AKAP13: variants seen among roughly 807,000 people sequenced by gnomAD.
AKAP13 encodes the protein A-kinase anchoring protein 13, also known as A-kinase anchor protein 13.
A neutral mutation model predicts 264.5 loss-of-function variants in AKAP13; 80 were observed. The observed-to-expected ratio is 0.30, with a 90% CI of 0.25 to 0.36. The LOEUF is 0.36. Ranked by LOEUF, AKAP13 falls within the 10% of genes least tolerant of loss-of-function variation. The pLI, the probability that AKAP13 is intolerant of heterozygous loss-of-function variation, is 1.00. For missense variants in AKAP13, 3,712 were observed against 3,435.2 expected, an observed-to-expected ratio of 1.08 and a Z score of -2.01; for synonymous variants, 1,380 against 1,250.2, an observed-to-expected ratio of 1.10 and a Z score of -2.19.
In AKAP13 at chr15:85,727,682, G is replaced by A. The variant is rs891653149; in HGVS notation, c.7087+219G>A. On this transcript the variant is annotated intron_variant, in intron 29 of 36. Coordinates refer to ENST00000394518, the MANE Select transcript of AKAP13 (RefSeq NM_007200.5). The surrounding 1 kb of genome is among the most constrained non-coding windows in gnomAD (Gnocchi z 5.3). ...GGCTGCAAGGATGTTTCCAGTACTG[G>A]ATCAAGAGAATATTGATTCTCTTGA... Among the ~76,000 whole-genome samples the A allele has an allele frequency of 2.6e-5, 4 of 152,172 alleles. No individual in the cohort carries two copies. The highest frequency in any genetic ancestry group is 7.2e-5 in the African/African-American group (3 of 41,438).
chr15:85,690,267 T>C (rs1326065153), intron 16 of AKAP13, among the ~76,000 whole-genome samples: 1 of 152,230 alleles, frequency 6.6e-6, no homozygotes, highest in Non-Finnish European at 1.5e-5. Context: ...TTGCAAGGCT[T>C]GAGAGGATAA....
intron 8 of AKAP13, among the ~76,000 whole-genome samples, chr15:85,607,880 G>A (rs1313983237): frequency 2.0e-5 from 3 of 152,214 alleles, no homozygotes; most frequent in Non-Finnish European, 4.4e-5. Context: ...CAAGTTTATT[G>A]CTTTGAATAT....
At chr15:85,603,737 C>G (rs1183478428) in intron 8 of AKAP13, among the ~76,000 whole-genome samples, 1 of 152,212 alleles carries the variant, frequency 6.6e-6, no homozygotes, top group Non-Finnish European at 1.5e-5. Context: ...TGAAATGCAT[C>G]TCTGGAGTCA....
intron 10 of AKAP13, among the ~76,000 whole-genome samples, chr15:85,648,293 A>G (rs2082649571): frequency 6.6e-6 from 1 of 152,246 alleles, no homozygotes; most frequent in South Asian, 2.1e-4. Context: ...AAGTTTTTTA[A>G]AAATGGAAGT....
intron 1 of AKAP13, among the ~76,000 whole-genome samples, chr15:85,382,751 A>G (rs2070354686): frequency 6.6e-6 from 1 of 152,222 alleles, no homozygotes; most frequent in Admixed American, 6.5e-5. Context: ...GGGCTGTGAT[A>G]GACCTTATTT....
At chr15:85,420,152 G>A (rs951821340) in intron 1 of AKAP13, among the ~76,000 whole-genome samples, 22 of 151,650 alleles carry the variant, frequency 1.5e-4, no homozygotes, top group African/African-American at 4.1e-4. Context: ...CGCTTTAGCC[G>A]GGATGGTCTC....
chr15:85,699,313 G>A (rs2085763292), intron 17 of AKAP13, among the ~76,000 whole-genome samples: 1 of 151,796 alleles, frequency 6.6e-6, no homozygotes, highest in Admixed American at 6.6e-5. Flanking sequence ...GCGTGGTGGT[G>A]CATGCCTGTA....
At chr15:85,699,413 T>G (rs1452410910) in intron 17 of AKAP13, among the ~76,000 whole-genome samples, 2 of 151,692 alleles carry the variant, frequency 1.3e-5, no homozygotes, top group African/African-American at 4.9e-5. Context: ...CACCGCACTT[T>G]AGCGTGCGCA....
At chr15:85,433,913 C>T (rs2073138331) in intron 1 of AKAP13, among the ~76,000 whole-genome samples, 1 of 151,432 alleles carries the variant, frequency 6.6e-6, no homozygotes, top group Non-Finnish European at 1.5e-5. Flanking sequence ...TGCACTCCAG[C>T]CTGGGTGACA....
At chr15:85,463,775 G>A (rs139025576) in intron 1 of AKAP13, among the ~76,000 whole-genome samples, 79 of 152,030 alleles carry the variant, frequency 5.2e-4, no homozygotes, top group African/African-American at 1.8e-3. Flanking sequence ...AACATAAAGC[G>A]ACTACTGGGG....
intron 1 of AKAP13, among the ~76,000 whole-genome samples, chr15:85,382,987 T>G (rs1394250640): frequency 4.6e-5 from 7 of 152,102 alleles, no homozygotes; most frequent in Non-Finnish European, 1.5e-5. Context: ...TGAAAAGAAG[T>G]GGGTTTAACT....
chr15:85,606,824 A>G (rs1233093004), intron 8 of AKAP13, among the ~76,000 whole-genome samples: 1 of 152,214 alleles, frequency 6.6e-6, no homozygotes, highest in African/African-American at 2.4e-5. Flanking sequence ...AGGAAAGGTG[A>G]GAGAAAAGGC....
At position 85,693,342 on chromosome 15, in the gene AKAP13, TAAG is replaced by T. The variant is rs1318171561; in HGVS notation, c.5360_5362del (p.Lys1787del). The T allele has an allele frequency of 2.5e-6, 4 of 1,613,590 alleles. No individual in the cohort carries two copies. Among genetic ancestry groups the T allele is most frequent in the African/African-American group, 2.7e-5 (2 of 74,872 alleles). The stretch of plus-strand genomic sequence containing the variant: ...AAGATTCTAAAGACAAGGAGAAAGA[TAAG>T]AAGACTGTCAACGGGCACACTTTCA... On this transcript the variant is annotated inframe_deletion, in exon 17 of 37. Coordinates refer to ENST00000394518, the MANE Select transcript of AKAP13 (RefSeq NM_007200.5).
intron 1 of AKAP13, among the ~76,000 whole-genome samples, chr15:85,446,171 C>T (rs1201378980): frequency 6.6e-6 from 1 of 152,056 alleles, no homozygotes; most frequent in Non-Finnish European, 1.5e-5. Flanking sequence ...AAAGATTTGA[C>T]CAGAGAATTG....
chr15:85,602,294 G>A (rs2080119037), intron 8 of AKAP13, among the ~76,000 whole-genome samples: 2 of 151,010 alleles, frequency 1.3e-5, no homozygotes, highest in Admixed American at 6.6e-5. Context: ...TTGTGCCTCA[G>A]CCTCCCAAGT....
chr15:85,721,940 A>G (rs2087316528), intron 23 of AKAP13, 51 bp from the exon 24 acceptor site: 1 of 1,607,294 alleles, frequency 6.2e-7, no homozygotes, highest in African/African-American at 1.3e-5. Context: ...ACAAAATGGT[A>G]TTATGAGTTT....
intron 5 of AKAP13, among the ~76,000 whole-genome samples, chr15:85,560,129 A>G (rs1347282746): frequency 4.9e-4 from 1 of 2,052 alleles, no homozygotes; most frequent in Non-Finnish European, 1.4e-3. Flanking sequence ...GTCTCCACCT[A>G]AAAAAAAAAA....
At chr15:85,552,299 A>T (rs544011509) in intron 5 of AKAP13, among the ~76,000 whole-genome samples, 9 of 152,326 alleles carry the variant, frequency 5.9e-5, no homozygotes, top group Non-Finnish European at 1.2e-4. Context: ...ATCTAGTTGA[A>T]CTACAGACAG....
chr15:85,486,739 CTTTTTTT>C (rs562767898), intron 2 of AKAP13, among the ~76,000 whole-genome samples: 10 of 115,646 alleles, frequency 8.6e-5, no homozygotes, highest in East Asian at 2.4e-4. Context: ...TTGTTCAGTT[CTTTTTTT>C]TTTTTTTTTT....
Sources: gnomAD v4.1 joint callset for allele counts (sites outside exome capture counted in the v4.1 genomes callset) on GRCh38, gnomAD v4.1.1 for gene constraint, Gnocchi (gnomAD v3.1) non-coding constraint, MANE v1.5 for transcripts, NCBI Gene and HGNC (gene_info 2026-07-23, HGNC 2026-07-21) for gene names.